Variants in PARP10 observed in about 807,000 individuals in gnomAD.
The protein encoded by PARP10 is protein mono-ADP-ribosyltransferase PARP10.
In PARP10, 56 loss-of-function variants were observed where a neutral mutation model predicts 82.4. That is an observed-to-expected ratio of 0.68 (90% confidence interval 0.55 to 0.85). PARP10 has a LOEUF of 0.85. Among genes scored for constraint, PARP10 ranks in the 40% least tolerant of loss-of-function variants. PARP10 has a pLI of 0.00. For missense variants in PARP10, 1,227 were observed against 1,379.4 expected, an observed-to-expected ratio of 0.89 and a Z score of 1.75; for synonymous variants, 576 against 601.1, an observed-to-expected ratio of 0.96 and a Z score of 0.61.
At position 143,977,787 on chromosome 8, in the gene PARP10, G is replaced by T; in HGVS notation, c.2775C>A (p.Ser925=). ...GCGAGTAGCGGTCCTGCACCGACAG[G>T]GAGGCGCGCCTGGCGAAATACACGC... ...GKGVYFARRA[S]LSVQDRYSPP... The change falls in exon 11 of 11, where the codon TCC becomes TCA. Residue 925 remains serine (S), a synonymous_variant. Transcript: ENST00000313028. The T allele has an allele frequency of 1.2e-6, 2 of 1,603,040 alleles. No individual in the cohort carries two copies. The highest frequency in any genetic ancestry group is 1.7e-6 in the Non-Finnish European group (2 of 1,175,316).
Position 143,983,233 on chromosome 8 carries a change from C to T in PARP10, c.2356G>A (p.Val786Met), listed in dbSNP as rs781988155. 2.5e-5 allele frequency: 41 copies of T among 1,613,636 alleles called. No homozygotes were observed. The highest frequency in any genetic ancestry group is 3.4e-5 in the Non-Finnish European group (40 of 1,179,972). ...AHPARAARHL[V>M]ALLAGPWDQS... ...TCCCAGGGGCCAGCCAGAAGTGCCA[C>T]CAAGTGGCGGGCAGCACGGGCAGGG... The change falls in exon 8 of 11, where the codon GTG (valine) becomes ATG (methionine). Residue 786 changes from valine (V) to methionine (M), a missense_variant. Physicochemically the swap from Val to Met is conservative, Grantham distance 21. Coordinates refer to ENST00000313028, the MANE Select transcript of PARP10 (RefSeq NM_032789.5).
upstream of PARP10, chr8:143,992,216 C>T (rs567639034): frequency 1.6e-5 from 26 of 1,603,310 alleles, no homozygotes; most frequent in East Asian, 4.7e-4. Flanking sequence ...GGCACACACC[C>T]AAGGTCAGCC....
chr8:143,991,158 G>C, upstream of PARP10: 1 of 1,180,018 alleles, frequency 8.5e-7, no homozygotes, highest in Non-Finnish European at 1.2e-6. Flanking sequence ...CGACGCTGTC[G>C]TCAAGCCAAC....
chr8:143,983,450 C>T lies in PARP10; in HGVS notation c.2139G>A (p.Ser713=), dbSNP rs144631926. 8.1e-6 allele frequency: 13 copies of T among 1,605,982 alleles called. No individual in the cohort carries two copies. Among genetic ancestry groups the T allele is most frequent in the Non-Finnish European group, 1.0e-5 (12 of 1,179,200 alleles). ...TDGKAQLVVH[S]AFEQDVEELD... The stretch of plus-strand genomic sequence containing the variant: ...GCTCCTCCACATCCTGCTCAAAGGC[C>T]GAGTGCACCACCAGCTGGGCCTTGC... Residue 713 remains serine, a synonymous_variant, in exon 8 of 11, where the codon TCG becomes TCA. Transcript: ENST00000313028.
At chr8:143,996,644 C>A (rs1587472423) in intron 1 of PARP10, among the ~76,000 whole-genome samples, 1 of 152,226 alleles carries the variant, frequency 6.6e-6, no homozygotes, top group East Asian at 1.9e-4. Context: ...CTTTTCACGG[C>A]ATGATCAGCA....
At position 143,985,576 on chromosome 8, in the gene PARP10, G is replaced by A; in HGVS notation, c.509C>T (p.Pro170Leu). The A allele has an allele frequency of 6.2e-7, 1 of 1,614,022 alleles. No individual in the cohort carries two copies. The change falls in exon 4 of 11, where the codon CCC (proline) becomes CTC (leucine). Residue 170 changes from proline (P) to leucine (L), a missense_variant. Physicochemically the swap from Pro to Leu is moderately conservative, Grantham distance 98 (BLOSUM62 -3). Transcript: ENST00000313028. The part of the protein sequence containing the change: ...EGTLVSLARV[P>L]QARAVRVVGD... ...CACCACACGCACCGCTCGGGCCTGG[G>A]GAACCCGGGCCAGGGACACCAAGGT...
At chr8:143,993,080 T>G, upstream of PARP10, 7 of 508,292 alleles carry the variant, frequency 1.4e-5, no homozygotes, top group Admixed American at 3.5e-5. Flanking sequence ...AAGGCCACGT[T>G]TCCGTGCCAC....
chr8:143,980,615 T>C (rs940263121), intron 9 of PARP10, among the ~76,000 whole-genome samples: 1 of 151,798 alleles, frequency 6.6e-6, no homozygotes, highest in Non-Finnish European at 1.5e-5. Context: ...AAGTCAAATA[T>C]GTTTAGCACC....
chr8:143,979,813 C>G (rs572352104), intron 9 of PARP10, among the ~76,000 whole-genome samples: 1 of 151,750 alleles, frequency 6.6e-6, no homozygotes, highest in Non-Finnish European at 1.5e-5. Context: ...ATCACGAGGT[C>G]GGGAGATCGA....
At chr8:143,991,148 C>G, upstream of PARP10, 1 of 1,020,532 alleles carries the variant, frequency 9.8e-7, no homozygotes, top group Non-Finnish European at 1.4e-6. Flanking sequence ...GGCTGGGTCC[C>G]GACGCTGTCG....
upstream of PARP10, among the ~76,000 whole-genome samples, chr8:143,995,358 A>G (rs1180254288): frequency 6.6e-6 from 1 of 152,244 alleles, no homozygotes; most frequent in African/African-American, 2.4e-5. Flanking sequence ...AGACGCCTCC[A>G]GAAGCATCGG....
chr8:143,987,506 C>T (rs930088683), upstream of PARP10, among the ~76,000 whole-genome samples: 1 of 152,244 alleles, frequency 6.6e-6, no homozygotes, highest in Non-Finnish European at 1.5e-5. Context: ...GTCTGCCACT[C>T]CCATGGTGGG....
intron 1 of PARP10, among the ~76,000 whole-genome samples, chr8:144,001,872 A>AAGTG (rs1834205533): frequency 8.3e-6 from 1 of 121,146 alleles, no homozygotes. Context: ...AAATATATAT[A>AAGTG]CGTGTGTGTG....
At chr8:144,002,530 A>G (rs1554751758) in intron 1 of PARP10, among the ~76,000 whole-genome samples, 1 of 152,200 alleles carries the variant, frequency 6.6e-6, no homozygotes, top group Non-Finnish European at 1.5e-5. Context: ...AGGACATATT[A>G]TAAAACAATA....
intron 9 of PARP10, among the ~76,000 whole-genome samples, chr8:143,981,154 G>A (rs1164873498): frequency 2.7e-5 from 4 of 150,658 alleles, no homozygotes; most frequent in African/African-American, 5.0e-5. Flanking sequence ...AACCAAGTAC[G>A]TATAATTAAC....
chr8:143,992,426 C>T, upstream of PARP10: 3 of 1,613,194 alleles, frequency 1.9e-6, no homozygotes, highest in African/African-American at 2.7e-5. Context: ...GCAGCTTTCC[C>T]AGGCCCAGCC....
intron 1 of PARP10, among the ~76,000 whole-genome samples, chr8:143,996,465 C>T (rs1375136374): frequency 1.3e-5 from 2 of 152,198 alleles, no homozygotes; most frequent in African/African-American, 4.8e-5. Flanking sequence ...GAAACCAGCA[C>T]GGGAACCCCA....
In PARP10 at chr8:143,982,969, G is replaced by A. The variant is rs782258654; in HGVS notation, c.2519C>T (p.Thr840Ile). 2.5e-6 allele frequency: 4 copies of A among 1,613,816 alleles called. No individual in the cohort carries two copies. The highest frequency in any genetic ancestry group is 3.4e-6 in the Non-Finnish European group (4 of 1,180,016). Residue 840 changes from threonine to isoleucine, a missense_variant, in exon 9 of 11, where the codon ACC becomes ATC. By Grantham distance (89) the Thr-to-Ile change is moderately conservative (BLOSUM62 -1). Coordinates refer to ENST00000313028, the MANE Select transcript of PARP10 (RefSeq NM_032789.5). ...GATGCTGCTGCGGGCAGCGTCCAGG[G>A]TGTCGTAGAAGGCCCGCACCACCTC... ...FQEVVRAFYDTLDAARSSIRV... is the reference protein window; with the variant it reads ...FQEVVRAFYDILDAARSSIRV...
chr8:143,980,043 C>T (rs187446015), intron 9 of PARP10, among the ~76,000 whole-genome samples: 4 of 135,112 alleles, frequency 3.0e-5, no homozygotes, highest in Admixed American at 7.6e-5. Flanking sequence ...CCGTCTCAGC[C>T]GGGCGCGGTG....
Sources: gnomAD v4.1 joint callset for allele counts (sites outside exome capture counted in the v4.1 genomes callset) on GRCh38, gnomAD v4.1.1 for gene constraint, MANE v1.5 for transcripts, NCBI Gene and HGNC (gene_info 2026-07-23, HGNC 2026-07-21) for gene names.